The following SPAM1 variants were observed in gnomAD, a reference collection of about 807,000 sequenced individuals.
The protein encoded by SPAM1 is sperm adhesion molecule 1.
In SPAM1, 22 loss-of-function variants were observed where a neutral mutation model predicts 29.6. That is an observed-to-expected ratio of 0.74 (90% CI 0.53 to 1.06). The LOEUF (loss-of-function observed/expected upper bound fraction) is 1.06, where lower values mean the gene tolerates loss of function less well. Ranked by LOEUF, SPAM1 falls within the 50% of genes least tolerant of loss-of-function variation. SPAM1 has a pLI of 0.00. For missense variants in SPAM1, 534 were observed against 604.0 expected, an observed-to-expected ratio of 0.88 and a Z score of 1.21; for synonymous variants, 194 against 204.6, an observed-to-expected ratio of 0.95 and a Z score of 0.44.
At chr7:123,947,305 T>C (rs1808607430) in intron 1 of SPAM1, among the ~76,000 whole-genome samples, 2 of 152,036 alleles carry the variant, frequency 1.3e-5, no homozygotes, top group Non-Finnish European at 2.9e-5. Context: ...TCCCAGCAGT[T>C]TGGGAGGTCG....
intron 1 of SPAM1, among the ~76,000 whole-genome samples, chr7:123,946,024 C>T (rs1198650973): frequency 6.6e-6 from 1 of 152,104 alleles, no homozygotes; most frequent in African/African-American, 2.4e-5. Context: ...GACTGTTAAT[C>T]ACAACTTTAT....
chr7:123,960,585 C>T (rs1455941923), downstream of SPAM1, among the ~76,000 whole-genome samples: 3 of 151,864 alleles, frequency 2.0e-5, no homozygotes, highest in East Asian at 5.8e-4. Flanking sequence ...TACAATTAAC[C>T]TTCGACTCTC....
At chr7:123,933,431 A>G (rs546443935) in intron 1 of SPAM1, among the ~76,000 whole-genome samples, 2 of 152,362 alleles carry the variant, frequency 1.3e-5, no homozygotes, top group Non-Finnish European at 1.5e-5. Flanking sequence ...AGAAACAATT[A>G]GGATAGCAAG....
intron 1 of SPAM1, among the ~76,000 whole-genome samples, chr7:123,932,687 C>T (rs929701542): frequency 3.3e-5 from 5 of 151,972 alleles, no homozygotes; most frequent in Admixed American, 6.6e-5. Context: ...GTATCTATAC[C>T]CAAAGAACTC....
chr7:123,954,098 T>C lies in SPAM1; in HGVS notation c.528T>C (p.Asn176=), dbSNP rs370092959. 91 of 1,612,856 alleles carry C rather than the reference T, an allele frequency of 5.6e-5. No individual in the cohort carries two copies. The highest frequency in any genetic ancestry group is 6.6e-5 in the Non-Finnish European group (78 of 1,179,604). ...CTATTGAATTGGTTCAGCAACAAAATGTACAACTTAGTCTCACAGAGGCCA... is the reference window on the plus strand; with the variant it reads ...CTATTGAATTGGTTCAGCAACAAAACGTACAACTTAGTCTCACAGAGGCCA... The part of the protein sequence containing the change: ...NRSIELVQQQ[N]VQLSLTEATE... The change falls in exon 3 of 5, where the codon AAT becomes AAC. Residue 176 remains asparagine (N), a synonymous_variant. Coordinates refer to ENST00000682466, the MANE Select transcript of SPAM1 (RefSeq NM_153189.3).
At chr7:123,967,930 T>G (rs1394120096) in intron 5 of SPAM1, among the ~76,000 whole-genome samples, 1 of 152,010 alleles carries the variant, frequency 6.6e-6, no homozygotes, top group East Asian at 1.9e-4. Flanking sequence ...GATAAAGTCT[T>G]GAATTAGGAA....
chr7:123,944,053 G>A (rs1373780079), intron 1 of SPAM1, among the ~76,000 whole-genome samples: 1 of 152,086 alleles, frequency 6.6e-6, no homozygotes, highest in Admixed American at 6.6e-5. Flanking sequence ...CCATATTCTG[G>A]TCTTGCTTCA....
intron 4 of SPAM1, among the ~76,000 whole-genome samples, chr7:123,957,298 C>T (rs1792269288): frequency 6.6e-6 from 1 of 151,854 alleles, no homozygotes; most frequent in African/African-American, 2.4e-5. Context: ...ATCAGAATGA[C>T]AAGATGAAGT....
At chr7:123,935,478 A>G (rs972350565) in intron 1 of SPAM1, among the ~76,000 whole-genome samples, 2 of 152,238 alleles carry the variant, frequency 1.3e-5, no homozygotes, top group Non-Finnish European at 2.9e-5. Context: ...CATTGCTACT[A>G]CATTGAGAAA....
intron 1 of SPAM1, among the ~76,000 whole-genome samples, chr7:123,944,417 A>G (rs1000504497): frequency 2.0e-5 from 3 of 152,172 alleles, no homozygotes; most frequent in Non-Finnish European, 4.4e-5. Context: ...ATTTAATCTC[A>G]GTTTTTTTCC....
At chr7:123,964,458 A>G (rs1331878144), downstream of SPAM1, among the ~76,000 whole-genome samples, 1 of 151,954 alleles carries the variant, frequency 6.6e-6, no homozygotes, top group Non-Finnish European at 1.5e-5. Flanking sequence ...TTTTTAGACT[A>G]TATCATTATA....
At chr7:123,949,105 A>G (rs992540175) in intron 1 of SPAM1, among the ~76,000 whole-genome samples, 1 of 151,778 alleles carries the variant, frequency 6.6e-6, no homozygotes, top group Non-Finnish European at 1.5e-5. Flanking sequence ...TCAATCATCA[A>G]CTCCTCTTCC....
chr7:123,949,305 GA>G (rs1808688863), intron 1 of SPAM1, among the ~76,000 whole-genome samples: 1 of 152,038 alleles, frequency 6.6e-6, no homozygotes, highest in South Asian at 2.1e-4. Context: ...TTGGATGAAA[GA>G]AAATTAGAAG....
intron 1 of SPAM1, among the ~76,000 whole-genome samples, chr7:123,936,836 A>G (rs534066556): frequency 6.6e-6 from 1 of 152,182 alleles, no homozygotes; most frequent in African/African-American, 2.4e-5. Context: ...TGTGATCTCT[A>G]TGGAGGCAAA....
intron 1 of SPAM1, among the ~76,000 whole-genome samples, chr7:123,941,051 T>C (rs909262546): frequency 1.3e-5 from 2 of 152,226 alleles, no homozygotes; most frequent in African/African-American, 2.4e-5. Context: ...GTTATATCTC[T>C]ATGTTTCAAA....
intron 5 of SPAM1, among the ~76,000 whole-genome samples, chr7:123,968,598 A>AT (rs1002070568): frequency 5.3e-5 from 8 of 150,118 alleles, no homozygotes; most frequent in African/African-American, 9.8e-5. Context: ...TATCTTGACA[A>AT]TTTTTTTTTT....
intron 1 of SPAM1, among the ~76,000 whole-genome samples, chr7:123,942,420 A>G (rs1351289028): frequency 6.6e-6 from 1 of 152,152 alleles, no homozygotes; most frequent in Non-Finnish European, 1.5e-5. Context: ...TTTGAAACAC[A>G]TTTTTTCTTT....
At chr7:123,948,624 C>T (rs546459291) in intron 1 of SPAM1, among the ~76,000 whole-genome samples, 1 of 152,102 alleles carries the variant, frequency 6.6e-6, no homozygotes, top group South Asian at 2.1e-4. Context: ...TTTGGTCCTC[C>T]CCCTTTGGTA....
At chr7:123,965,154 G>A (rs776862993) in intron 5 of SPAM1, among the ~76,000 whole-genome samples, 8 of 151,940 alleles carry the variant, frequency 5.3e-5, no homozygotes, top group African/African-American at 1.4e-4. Flanking sequence ...AAAGAAGATC[G>A]GAGTGGGTGG....
Sources: allele counts gnomAD v4.1 joint callset (sites outside exome capture counted in the v4.1 genomes callset), GRCh38; gene constraint gnomAD v4.1.1; transcripts MANE v1.5; gene names NCBI Gene and HGNC (gene_info 2026-07-23, HGNC 2026-07-21).